TAF1: variants seen among roughly 807,000 people sequenced by gnomAD.
The protein encoded by TAF1 is transcription initiation factor TFIID subunit 1.
TAF1 carries 2 observed loss-of-function variants against 138.5 expected under a neutral mutation model. The observed-to-expected ratio is 0.01, with a 90% CI of 0.01 to 0.05. TAF1 has a LOEUF of 0.05. TAF1 is among the 10% of genes least tolerant of loss of function. The probability of loss-of-function intolerance (pLI) is 1.00; values close to 1 mark genes in which losing one functional copy is unlikely to be tolerated. For missense variants in TAF1, 709 were observed against 1,478.0 expected (o/e 0.48, Z 8.53); for synonymous variants, 437 against 503.2 (o/e 0.87, Z 1.76).
chrX:71,483,770 C>A lies in TAF1; in HGVS notation c.1366+22967C>A, dbSNP rs865919545. Among the ~76,000 whole-genome samples, 421 of 76,920 alleles carry A rather than the reference C, an allele frequency of 5.5e-3. 3 individuals are homozygous for A. Among genetic ancestry groups the A allele is most frequent in the African/African-American group, 0.011 (192 of 18,267 alleles). 66.8% of individuals were successfully genotyped at this position (76,920 alleles called of 115,157 possible). Reference sequence around the variant, plus strand: ...TCTCTCTCTCTCTCTCTCTCTCTCTCTCTCTCTCTCTATATATATATATAT... The same window carrying A: ...TCTCTCTCTCTCTCTCTCTCTCTCTATCTCTCTCTCTATATATATATATAT... On this transcript the variant is annotated intron_variant and NMD_transcript_variant, in intron 13 of 14. Coordinates refer to the TAF1 transcript ENST00000373775.
intron 13 of TAF1, among the ~76,000 whole-genome samples, chrX:71,504,774 GAAAAGAA>G (rs2039591223): frequency 1.3e-4 from 6 of 46,143 alleles, no homozygotes; most frequent in African/African-American, 2.6e-4. Flanking sequence ...AAAAAAAAAA[GAAAAGAA>G]AAAAGAAAAA....
intron 13 of TAF1, among the ~76,000 whole-genome samples, chrX:71,488,239 CTTTTTTTTTTTT>C (rs368273639): frequency 2.8e-5 from 2 of 71,299 alleles, no homozygotes; most frequent in Middle Eastern, 7.8e-3. Context: ...TAGGTGGTTT[CTTTTTTTTTTTT>C]TTTTTTTTTT....
chrX:71,420,182 G>T, intron 28 of TAF1: 1 of 554,723 alleles, frequency 1.8e-6, no homozygotes, highest in Non-Finnish European at 3.2e-6. Context: ...GGGAACTGCT[G>T]TAGTTGGTGG....
chrX:71,502,187 G>T (rs1249294172), intron 13 of TAF1, among the ~76,000 whole-genome samples: 1 of 111,724 alleles, frequency 9.0e-6, no homozygotes, highest in Non-Finnish European at 1.9e-5. Context: ...TTTACAGAGT[G>T]CTGATTGGTG....
chrX:71,372,414 A>G (rs1193769745), intron 3 of TAF1, among the ~76,000 whole-genome samples: 1 of 90,044 alleles, frequency 1.1e-5, no homozygotes. Context: ...CCTGGGTGAC[A>G]AGAGTGAAAC....
At chrX:71,387,138 T>C in intron 14 of TAF1, 123 bp from the exon 15 acceptor site, 1 of 674,826 alleles carries the variant, frequency 1.5e-6, no homozygotes, top group Non-Finnish European at 2.2e-6. Flanking sequence ...TTTGTATTAC[T>C]GGATAGACCT....
chrX:71,425,763 G>A (rs755030718), intron 32 of TAF1, among the ~76,000 whole-genome samples: 4 of 111,780 alleles, frequency 3.6e-5, no homozygotes, highest in Non-Finnish European at 7.5e-5. Flanking sequence ...CTTCATAAAC[G>A]AGCTAATATA....
intron 3 of TAF1, among the ~76,000 whole-genome samples, chrX:71,372,967 C>T (rs764922885): frequency 2.8e-5 from 3 of 108,414 alleles, no homozygotes; most frequent in Admixed American, 1.0e-4. Flanking sequence ...CCCAGGTTTA[C>T]GCCATTATCC....
At chrX:71,529,127 A>G (rs1337696461) in intron 14 of TAF1, among the ~76,000 whole-genome samples, 1 of 106,870 alleles carries the variant, frequency 9.4e-6, no homozygotes, top group Non-Finnish European at 1.9e-5. Context: ...GCTGGAGTGC[A>G]GTGGTGCAAT....
chrX:71,393,948 G>T, intron 21 of TAF1, 119 bp from the exon 22 acceptor site: 1 of 730,115 alleles, frequency 1.4e-6, no homozygotes, highest in Non-Finnish European at 1.9e-6. Context: ...TTCTGTTAAG[G>T]GCCCCATGTC....
chrX:71,459,807 A>G, intron 36 of TAF1, 99 bp downstream of exon 36: 2 of 1,149,237 alleles, frequency 1.7e-6, no homozygotes, highest in Non-Finnish European at 2.3e-6. Flanking sequence ...TTTTATTGGA[A>G]GCTGCCTCTT....
rs775105697 is a variant in TAF1, at chrX:71,526,903, T to TAA, written c.1367-1621_1367-1620dup. 6.3e-4 allele frequency among the ~76,000 whole-genome samples: 55 copies of TAA among 87,809 alleles called. 1 individual carries two copies. The highest frequency in any genetic ancestry group is 2.4e-3 in the Admixed American group (19 of 7,913). 76.3% of individuals were successfully genotyped at this position (87,809 alleles called of 115,157 possible). On this transcript the variant is annotated intron_variant and NMD_transcript_variant, in intron 13 of 14. Coordinates refer to the TAF1 transcript ENST00000373775. The stretch of plus-strand genomic sequence containing the variant: ...GGCAACATAGTGAAACCCAGTCTCT[T>TAA]AAAAAAAAAAAAAAAAAAATTAGCT...
intron 14 of TAF1, among the ~76,000 whole-genome samples, chrX:71,529,160 C>T (rs1476807092): frequency 9.1e-6 from 1 of 110,142 alleles, no homozygotes; most frequent in Non-Finnish European, 1.9e-5. Flanking sequence ...CAACCTCCGC[C>T]TCCTGGGTTC....
chrX:71,376,610 T>C (rs2033489450), intron 4 of TAF1, among the ~76,000 whole-genome samples: 1 of 107,814 alleles, frequency 9.3e-6, no homozygotes, highest in African/African-American at 3.4e-5. Context: ...GAGGTTTCAG[T>C]GAGCTAAGAT....
chrX:71,455,383 G>A (rs925453111), intron 34 of TAF1, among the ~76,000 whole-genome samples: 2 of 111,990 alleles, frequency 1.8e-5, no homozygotes, highest in Non-Finnish European at 3.8e-5. Flanking sequence ...AAGAATGAGA[G>A]AGCAGGATAA....
chrX:71,470,655 G>A (rs919768680), downstream of TAF1, among the ~76,000 whole-genome samples: 84 of 106,780 alleles, frequency 7.9e-4, no homozygotes, highest in Non-Finnish European at 9.7e-4. Flanking sequence ...TGGATTACAC[G>A]CTTGAGCCAC....
chrX:71,419,982 C>T (rs1381895073), intron 28 of TAF1: 2 of 258,959 alleles, frequency 7.7e-6, no homozygotes, highest in Non-Finnish European at 6.9e-6. Context: ...TTTTTCCCAT[C>T]AAGGTCATCT....
rs185428430 is a variant in TAF1 at position 71,388,142 on chromosome X, A to G, written c.2428-95A>G. 7 of 1,113,615 alleles carry G rather than the reference A, an allele frequency of 6.3e-6. No homozygotes were observed. In the East Asian group the frequency reaches 2.1e-4, roughly 34 times the overall value. 91.8% of individuals were successfully genotyped at this position (1,113,615 alleles called of 1,213,427 possible). On this transcript the variant is annotated intron_variant, in intron 15 of 37. Transcript: ENST00000423759. ...TGGGTTTGGGAGCACATCGGGAAAG[A>G]TGAAAATACATTAGAGCTTAGCAAA...
chrX:71,422,842 C>G lies in TAF1; in HGVS notation c.4453-275C>G, dbSNP rs1406781882. 3.6e-5 allele frequency among the ~76,000 whole-genome samples: 4 copies of G among 110,954 alleles called. No individual in the cohort carries two copies. In the East Asian group the frequency reaches 1.1e-3, roughly 32 times the overall value. ...GCAAGCTCCACCTCCCAGATTCACG[C>G]CATTCTCCTGCCTCAGCCTCCTGAG... On this transcript the variant is annotated intron_variant, in intron 29 of 37. Coordinates refer to ENST00000423759, the MANE Select transcript of TAF1 (RefSeq NM_004606.5).
Sources: allele counts gnomAD v4.1 joint callset (sites outside exome capture counted in the v4.1 genomes callset), GRCh38; gene constraint gnomAD v4.1.1; transcripts MANE v1.5; gene names NCBI Gene and HGNC (gene_info 2026-07-23, HGNC 2026-07-21).